BRD2: variants seen among roughly 807,000 people sequenced by gnomAD.
The protein encoded by BRD2 is bromodomain containing 2, also known as bromodomain-containing protein 2.
BRD2 carries 15 observed loss-of-function variants against 79.1 expected under a neutral mutation model. That is an observed-to-expected ratio of 0.19 (90% CI 0.13 to 0.29). The LOEUF (loss-of-function observed/expected upper bound fraction) is 0.29. Among genes scored for constraint, BRD2 ranks in the 10% least tolerant of loss-of-function variants. BRD2 has a pLI of 1.00. For synonymous variants in BRD2, 488 were observed against 358.6 expected, an observed-to-expected ratio of 1.36 and a Z score of -4.08; for missense variants, 1,053 against 991.3, an observed-to-expected ratio of 1.06 and a Z score of -0.84.
At chr6:32,978,412 A>T in intron 10 of BRD2, 24 bp downstream of exon 10, 1 of 1,603,090 alleles carries the variant, frequency 6.2e-7, no homozygotes, top group East Asian at 2.2e-5. Context: ...GGAAGCAGAG[A>T]CTAGTTTGGC....
At chr6:32,974,966 C>T (rs1030498032) in intron 3 of BRD2, 13 of 1,461,274 alleles carry the variant, frequency 8.9e-6, no homozygotes, top group South Asian at 1.2e-5. Flanking sequence ...GGCATCTTTC[C>T]TTGTGCCCTC....
At position 32,972,536 on chromosome 6, in the gene BRD2, G is replaced by T. The variant is rs898452477; in HGVS notation, c.-363G>T. ...ATCGAAACGGGACCTCGTCGGCCCCGTAGGGGCCCGACAAGAAGAGGGAAT... is the reference window on the plus strand; with the variant it reads ...ATCGAAACGGGACCTCGTCGGCCCCTTAGGGGCCCGACAAGAAGAGGGAAT... On this transcript the variant is annotated 5_prime_UTR_variant, in exon 2 of 13. Transcript: ENST00000374825. 5.4e-5 allele frequency: 20 copies of T among 373,718 alleles called. 1 individual carries two copies. The East Asian group carries it at 9.5e-4, about 18-fold the overall frequency. 23.2% of individuals were successfully genotyped at this position (373,718 alleles called of 1,614,324 possible). A position where few individuals can be genotyped will look rare whatever the true frequency, so the allele number is the denominator to read the frequency against.
intron 7 of BRD2, chr6:32,977,162 T>A: frequency 7.5e-7 from 1 of 1,336,602 alleles, no homozygotes; most frequent in Non-Finnish European, 1.0e-6. Context: ...TGTCTATAAT[T>A]AAGTACTAAT....
In BRD2 at chr6:32,972,167, T is replaced by C. The variant is rs1449859049; in HGVS notation, c.-732T>C. On this transcript the variant is annotated 5_prime_UTR_variant, in exon 2 of 13. Transcript: ENST00000374825. ...CGGCGAAGCTCCTCCTCCCCGCCTA[T>C]ATATAAAGGGCTGGCGCGGGGCTCG... is the stretch of plus-strand genomic sequence containing the variant. 2 of 613,404 alleles carry C rather than the reference T, an allele frequency of 3.3e-6. No homozygotes were observed. Among genetic ancestry groups the C allele is most frequent in the Non-Finnish European group, 5.9e-6 (2 of 337,992 alleles). 38.0% of individuals were successfully genotyped at this position (613,404 alleles called of 1,614,324 possible).
rs776626776 is a variant in BRD2 at position 32,976,658 on chromosome 6, C to T, written c.922C>T (p.Pro308Ser). Residue 308 changes from proline to serine, a missense_variant, in exon 7 of 13, where the codon CCT (proline) becomes TCT (serine). Pro to Ser is a moderately conservative substitution (Grantham distance 74). Coordinates refer to ENST00000374825, the MANE Select transcript of BRD2 (RefSeq NM_005104.4). The stretch of plus-strand genomic sequence containing the variant: ...AGCTAGCCCTCCTGGGAGTCTTGAG[C>T]CTAAGGCAGCACGGCTTCCCCCTAT... ...SPASPPGSLE[P>S]KAARLPPMRR... 41 of 1,612,774 alleles carry T rather than the reference C, an allele frequency of 2.5e-5. No individual in the cohort carries two copies. Among genetic ancestry groups the T allele is most frequent in the Non-Finnish European group, 3.4e-5 (40 of 1,180,042 alleles).
In BRD2 at chr6:32,980,808, ACTT is replaced by A. The variant is rs1387102249; in HGVS notation, c.*95_*97del. ...CTGCCCCTTCCCCCTTTGCTGTGAC[ACTT>A]CTTCATCTCACCCCCCCCCGCCCCC... On this transcript the variant is annotated 3_prime_UTR_variant, in exon 13 of 13. Coordinates refer to ENST00000374825, the MANE Select transcript of BRD2 (RefSeq NM_005104.4). 7.4e-6 allele frequency: 11 copies of A among 1,489,490 alleles called. No homozygotes were observed. The highest frequency in any genetic ancestry group is 3.5e-5 in the Admixed American group (2 of 57,462). The allele number at this position is 1,489,490 out of a possible 1,614,324, so 92.3% of individuals were successfully genotyped here.
intron 10 of BRD2, chr6:32,978,712 T>G (rs1394760778): frequency 1.5e-5 from 6 of 391,838 alleles, no homozygotes; most frequent in Non-Finnish European, 2.3e-5. Flanking sequence ...AATCTAATGC[T>G]TCTGCTGATG....
intron 2 of BRD2, chr6:32,973,205 A>G: frequency 6.7e-7 from 1 of 1,498,858 alleles, no homozygotes; most frequent in Admixed American, 2.0e-5. Context: ...TTGACGGTGG[A>G]GTGGAGTGAG....
At position 32,976,671 on chromosome 6, in the gene BRD2, G is replaced by A. The variant is rs764611833; in HGVS notation, c.935G>A (p.Arg312Gln). ...PPGSLEPKAARLPPMRRESGR... is the reference protein window; with the variant it reads ...PPGSLEPKAAQLPPMRRESGR... ...GGGAGTCTTGAGCCTAAGGCAGCAC[G>A]GCTTCCCCCTATGCGTAGAGAGAGT... is the stretch of plus-strand genomic sequence containing the variant. Residue 312 changes from arginine (R) to glutamine (Q), a missense_variant, in exon 7 of 13, where the codon CGG becomes CAG. Around this residue, in one of 5 missense-constraint regions of BRD2, gnomAD observed 454 missense variants for 430.5 expected, o/e 1.05. Coordinates refer to ENST00000374825, the MANE Select transcript of BRD2 (RefSeq NM_005104.4). 34 of 1,612,928 alleles carry A rather than the reference G, an allele frequency of 2.1e-5. No individual in the cohort carries two copies. The highest frequency in any genetic ancestry group is 2.5e-5 in the Non-Finnish European group (30 of 1,180,044).
intron 1 of BRD2, 47 bp from the exon 2 acceptor site, chr6:32,971,545 TAGA>T: frequency 2.2e-6 from 1 of 457,040 alleles, no homozygotes; most frequent in Non-Finnish European, 3.8e-6. Context: ...CTGTTCGCCA[TAGA>T]GGAGCAGGCC....
Position 32,976,696 on chromosome 6 carries a change from T to G in BRD2, c.960T>G (p.Ser320Arg), listed in dbSNP as rs1419054772. Residue 320 changes from serine (S) to arginine (R), a missense_variant, in exon 7 of 13, where the codon AGT becomes AGG. By Grantham distance (110) the Ser-to-Arg change is moderately radical. Transcript: ENST00000374825. Reference protein sequence around the residue: ...AARLPPMRRESGRPIKPPRKD... With the variant: ...AARLPPMRRERGRPIKPPRKD... ...GGCTTCCCCCTATGCGTAGAGAGAG[T>G]GGTCGCCCCATCAAGCCCCCACGCA... The G allele has an allele frequency of 6.2e-7, 1 of 1,612,122 alleles. No individual in the cohort carries two copies. Among genetic ancestry groups the G allele is most frequent in the Admixed American group, 1.7e-5 (1 of 59,922 alleles).
Position 32,976,258 on chromosome 6 carries a change from G to A in BRD2, c.619G>A (p.Gly207Ser). Residue 207 changes from glycine to serine, a missense_variant, in exon 6 of 13, where the codon GGC becomes AGC. Physicochemically the swap from Gly to Ser is moderately conservative, Grantham distance 56. Transcript: ENST00000374825. ...KKGAKLAALQ[G>S]SVTSAHQVPA... ...TTTTTCCTTTTTTCTAGCGCTCCAG[G>A]GCAGTGTTACCAGTGCCCATCAGGT... 1.2e-6 allele frequency: 2 copies of A among 1,612,818 alleles called. No homozygotes were observed. The highest frequency in any genetic ancestry group is 1.7e-6 in the Non-Finnish European group (2 of 1,179,916).
rs1372585088 is a variant in BRD2 at position 32,972,106 on chromosome 6, G to A, written c.-793G>A. 4.3e-6 allele frequency: 3 copies of A among 692,676 alleles called. No homozygotes were observed. The highest frequency in any genetic ancestry group is 7.9e-6 in the Non-Finnish European group (3 of 379,588). The allele number at this position is 692,676 out of a possible 1,614,324, so 42.9% of individuals were successfully genotyped here. ...TGAGCGAGCGCGCGCGCGCGGAGGG[G>A]GTGGGGAAAAGCTCAAGCAGGGTGG... On this transcript the variant is annotated 5_prime_UTR_variant, in exon 2 of 13. Coordinates refer to ENST00000374825, the MANE Select transcript of BRD2 (RefSeq NM_005104.4).
rs1412414527 is a variant in BRD2 at position 32,973,007 on chromosome 6, AC to A, written c.29+81del. ...GGGTGTGGGGCGCCGTGTTGGGAGT[AC>A]TGAGCGGCCCCGGCGCGCTGCTGTT... On this transcript the variant is annotated intron_variant, in intron 2 of 12. Coordinates refer to ENST00000374825, the MANE Select transcript of BRD2 (RefSeq NM_005104.4). 20 of 1,613,362 alleles carry A rather than the reference AC, an allele frequency of 1.2e-5. No individual in the cohort carries two copies. The Admixed American group carries it at 1.7e-4, about 13-fold the overall frequency.
rs1010435653 is a variant in BRD2 at position 32,971,741 on chromosome 6, AC to A, written c.-1156del. On this transcript the variant is annotated 5_prime_UTR_variant, in exon 2 of 13. The change abolishes the stop of an existing upstream ORF in the 5' untranslated region. Transcript: ENST00000374825. ...CAATGGAGGAGCTACGAATGGCACG[AC>A]CTGCTCGAGCTTGGCAGTCTCCAGT... The A allele has an allele frequency of 1.6e-5, 9 of 579,398 alleles. No individual in the cohort carries two copies. The highest frequency in any genetic ancestry group is 2.4e-5 in the Non-Finnish European group (8 of 327,840). The allele number at this position is 579,398 out of a possible 1,614,324, so 35.9% of individuals were successfully genotyped here. A position where few individuals can be genotyped will look rare whatever the true frequency, so the allele number is the denominator to read the frequency against.
intron 10 of BRD2, 54 bp from the exon 11 acceptor site, chr6:32,979,774 A>G (rs1779288869): frequency 3.2e-6 from 5 of 1,556,760 alleles, no homozygotes; most frequent in African/African-American, 2.7e-5. Flanking sequence ...CAGTGGGAAC[A>G]TACTGGAAGA....
rs933728194 is a variant in BRD2, at chr6:32,975,672, T to G, written c.471+151T>G. 4.3e-5 allele frequency: 40 copies of G among 929,978 alleles called. No individual in the cohort carries two copies. In the African/African-American group the frequency reaches 6.7e-4, roughly 16 times the overall value. The allele number at this position is 929,978 out of a possible 1,614,324, so 57.6% of individuals were successfully genotyped here. ...GGAGTCTTAAAAACCTGACTCTAGA[T>G]GGTACTATTGAACACAGTGATGTGA... On this transcript the variant is annotated intron_variant, in intron 4 of 12. Coordinates refer to ENST00000374825, the MANE Select transcript of BRD2 (RefSeq NM_005104.4).
intron 2 of BRD2, among the ~76,000 whole-genome samples, chr6:32,973,599 AG>A (rs1778325439): frequency 6.6e-6 from 1 of 152,166 alleles, no homozygotes; most frequent in African/African-American, 2.4e-5. Context: ...CTTAGGTGGT[AG>A]GAAAGACTGA....
intron 8 of BRD2, 54 bp downstream of exon 8, chr6:32,977,624 CAT>C (rs1315558802): frequency 3.1e-6 from 5 of 1,607,520 alleles, no homozygotes; most frequent in African/African-American, 1.3e-5. Context: ...GTTATTTTGT[CAT>C]GTGTGCTGCA....
Sources: gnomAD v4.1 joint callset for allele counts (sites outside exome capture counted in the v4.1 genomes callset) on GRCh38, gnomAD v4.1.1 for gene constraint, gnomAD v4.1.1 regional missense constraint, MANE v1.5 for transcripts, NCBI Gene and HGNC (gene_info 2026-07-23, HGNC 2026-07-21) for gene names.